ATG10: variants seen among roughly 807,000 people sequenced by gnomAD.
ATG10 encodes autophagy related 10.
In ATG10, 30 loss-of-function variants were observed where a neutral mutation model predicts 32.1. The observed-to-expected ratio is 0.94, with a 90% confidence interval of 0.70 to 1.27. The LOEUF (loss-of-function observed/expected upper bound fraction) is 1.27, where lower values mean the gene tolerates loss of function less well. Ranked by LOEUF, ATG10 falls within the 50% of genes most tolerant of loss-of-function variation. ATG10 has a pLI of 0.00. For missense variants in ATG10, 233 were observed against 262.3 expected, an observed-to-expected ratio of 0.89 and a Z score of 0.77; for synonymous variants, 87 against 91.5, an observed-to-expected ratio of 0.95 and a Z score of 0.28.
intron 5 of ATG10, among the ~76,000 whole-genome samples, chr5:82,215,922 C>T (rs1013798233): frequency 1.4e-5 from 2 of 144,694 alleles, no homozygotes; most frequent in African/African-American, 2.7e-5. Context: ...GCAACAAGAG[C>T]GAAACTCCAT....
chr5:82,021,441 C>T (rs1581606465), intron 2 of ATG10, among the ~76,000 whole-genome samples: 1 of 152,222 alleles, frequency 6.6e-6, no homozygotes, highest in Non-Finnish European at 1.5e-5. Context: ...AACCCATGCA[C>T]ATCCTCCTGT....
chr5:82,196,539 T>C (rs1744857587), intron 5 of ATG10, among the ~76,000 whole-genome samples: 2 of 152,216 alleles, frequency 1.3e-5, no homozygotes, highest in South Asian at 4.1e-4. Context: ...GTCTTTCATC[T>C]ATTTTAACTT....
chr5:82,252,837 G>C, intron 6 of ATG10, 178 bp downstream of exon 6: 1 of 532,888 alleles, frequency 1.9e-6, no homozygotes, highest in South Asian at 2.7e-5. Flanking sequence ...TAAGACATTG[G>C]ATTTTTGCAG....
At chr5:82,020,506 A>G (rs1762405957) in intron 2 of ATG10, among the ~76,000 whole-genome samples, 1 of 151,976 alleles carries the variant, frequency 6.6e-6, no homozygotes, top group African/African-American at 2.4e-5. Flanking sequence ...ACTTAAAACA[A>G]CCATTTATTA....
At chr5:82,081,407 T>G (rs898800816) in intron 3 of ATG10, among the ~76,000 whole-genome samples, 31 of 152,118 alleles carry the variant, frequency 2.0e-4, no homozygotes, top group African/African-American at 7.0e-4. Context: ...TGAATAGGAG[T>G]GGTGAGAGAG....
intron 2 of ATG10, among the ~76,000 whole-genome samples, chr5:82,040,601 A>G (rs1247096405): frequency 6.6e-6 from 1 of 152,256 alleles, no homozygotes. Context: ...AGTTGTATTT[A>G]TAGTATGACT....
intron 3 of ATG10, among the ~76,000 whole-genome samples, chr5:82,069,389 G>C (rs1764050418): frequency 6.6e-6 from 1 of 152,080 alleles, no homozygotes; most frequent in African/African-American, 2.4e-5. Flanking sequence ...GGCTTATATA[G>C]CCCCTGATAT....
At position 82,227,424 on chromosome 5, in the gene ATG10, G is replaced by A. The variant is rs542583764; in HGVS notation, c.454-25138G>A. Among the ~76,000 whole-genome samples, 49 of 151,876 alleles carry A rather than the reference G, an allele frequency of 3.2e-4. 1 individual carries two copies. In the South Asian group the frequency reaches 4.2e-3, roughly 13 times the overall value. The stretch of plus-strand genomic sequence containing the variant: ...TAGGATCTATCTGTCATCCAGGCTG[G>A]AGTGCAGTGGTGCGATCTTGGCTTA... On this transcript the variant is annotated intron_variant, in intron 5 of 7. Coordinates refer to ENST00000282185, the MANE Select transcript of ATG10 (RefSeq NM_031482.5).
chr5:82,020,033 C>T (rs1269761538), intron 2 of ATG10, among the ~76,000 whole-genome samples: 1 of 152,216 alleles, frequency 6.6e-6, no homozygotes, highest in Non-Finnish European at 1.5e-5. Flanking sequence ...AGCGCCCATG[C>T]AGTCACCCCA....
At chr5:82,046,172 A>C (rs910422523) in intron 2 of ATG10, among the ~76,000 whole-genome samples, 5 of 152,084 alleles carry the variant, frequency 3.3e-5, no homozygotes, top group African/African-American at 9.6e-5. Flanking sequence ...CGTTTCTCCT[A>C]CCTCTTCCTG....
At chr5:82,013,536 T>C (rs1022616296) in intron 2 of ATG10, among the ~76,000 whole-genome samples, 1 of 152,224 alleles carries the variant, frequency 6.6e-6, no homozygotes, top group Non-Finnish European at 1.5e-5. Context: ...CCCAGGTTGC[T>C]GCATCAAATG....
chr5:82,198,677 GC>G (rs2149958496), intron 5 of ATG10, among the ~76,000 whole-genome samples: 1 of 152,326 alleles, frequency 6.6e-6, no homozygotes, highest in Non-Finnish European at 1.5e-5. Flanking sequence ...CTCTCATTTT[GC>G]CACATTCTAA....
intron 4 of ATG10, among the ~76,000 whole-genome samples, chr5:82,172,339 C>T (rs1180760610): frequency 1.3e-5 from 2 of 152,226 alleles, no homozygotes; most frequent in African/African-American, 4.8e-5. Context: ...AGCTCTGCTG[C>T]TTACTAACCT....
chr5:82,201,815 A>T (rs1039921467), intron 5 of ATG10, among the ~76,000 whole-genome samples: 1 of 152,158 alleles, frequency 6.6e-6, no homozygotes, highest in African/African-American at 2.4e-5. Context: ...TTCTTTCATT[A>T]GTATGTTATT....
intron 2 of ATG10, among the ~76,000 whole-genome samples, chr5:82,044,880 A>G (rs1435847321): frequency 1.3e-5 from 2 of 152,088 alleles, no homozygotes; most frequent in East Asian, 3.8e-4. Flanking sequence ...TTAGTGAAAG[A>G]CTCACAAAAG....
chr5:81,997,383 G>C lies in ATG10; in HGVS notation c.108+9705G>C, dbSNP rs569276023. 4.6e-5 allele frequency among the ~76,000 whole-genome samples: 7 copies of C among 152,278 alleles called. No homozygotes were observed. The South Asian group carries it at 1.5e-3, about 32-fold the overall frequency. On this transcript the variant is annotated intron_variant, in intron 2 of 7. Coordinates refer to ENST00000282185, the MANE Select transcript of ATG10 (RefSeq NM_031482.5). The stretch of plus-strand genomic sequence containing the variant: ...GAGCACACAGCTCAGGAGGGCTGAG[G>C]TGAGCCTTGGCCCCCTAAAATCTTC...
intron 5 of ATG10, among the ~76,000 whole-genome samples, chr5:82,231,957 T>A (rs1746382722): frequency 6.6e-6 from 1 of 152,240 alleles, no homozygotes. Context: ...TTTAAAATAA[T>A]ATTTGGCACC....
intron 3 of ATG10, among the ~76,000 whole-genome samples, chr5:82,149,468 C>T (rs1470509445): frequency 6.6e-6 from 1 of 151,888 alleles, no homozygotes; most frequent in African/African-American, 2.4e-5. Context: ...TTTTTGCAGA[C>T]TTTCATATGG....
At chr5:82,038,344 A>G (rs1421857778) in intron 2 of ATG10, among the ~76,000 whole-genome samples, 1 of 152,214 alleles carries the variant, frequency 6.6e-6, no homozygotes, top group African/African-American at 2.4e-5. Flanking sequence ...TTGCTTATAG[A>G]TCAAAGGTGG....
Sources: allele counts gnomAD v4.1 joint callset (sites outside exome capture counted in the v4.1 genomes callset), GRCh38; gene constraint gnomAD v4.1.1; transcripts MANE v1.5; gene names NCBI Gene and HGNC (gene_info 2026-07-23, HGNC 2026-07-21).